PKD2L2: variants seen among roughly 807,000 people sequenced by gnomAD.
The protein encoded by PKD2L2 is polycystin-2-like protein 2.
A neutral mutation model predicts 83.9 loss-of-function variants in PKD2L2; 67 were observed. The observed-to-expected ratio is 0.80, with a 90% CI of 0.66 to 0.98. PKD2L2 has a LOEUF of 0.98. Among genes scored for constraint, PKD2L2 ranks in the 50% least tolerant of loss-of-function variants. The pLI, the probability that PKD2L2 is intolerant of heterozygous loss-of-function variation, is 0.00. For synonymous variants in PKD2L2, 223 were observed against 237.8 expected (o/e 0.94, Z 0.57); for missense variants, 632 against 717.2 (o/e 0.88, Z 1.36).
chr5:137,916,184 T>G (rs1322450301), intron 8 of PKD2L2, among the ~76,000 whole-genome samples: 1 of 149,390 alleles, frequency 6.7e-6, no homozygotes, highest in Non-Finnish European at 1.5e-5. Flanking sequence ...TCTCCCTCAC[T>G]TTTTTTTTTG....
intron 9 of PKD2L2, among the ~76,000 whole-genome samples, chr5:137,922,812 T>C (rs1051627497): frequency 1.3e-5 from 2 of 152,102 alleles, no homozygotes; most frequent in Non-Finnish European, 2.9e-5. Context: ...GTAATATTAA[T>C]TTGTGTATAT....
chr5:137,890,722 A>G (rs1357862524), intron 2 of PKD2L2, 140 bp downstream of exon 2: 5 of 496,548 alleles, frequency 1.0e-5, no homozygotes, highest in African/African-American at 2.0e-5. Flanking sequence ...TTTAAACATA[A>G]TCTTAAATTC....
chr5:137,939,077 T>G (rs1401700430), intron 14 of PKD2L2: 1 of 152,004 alleles, frequency 6.6e-6, no homozygotes, highest in East Asian at 1.9e-4. Context: ...AAAAAAGATA[T>G]GCTAAGAGTA....
At chr5:137,914,497 T>C (rs908957668) in intron 8 of PKD2L2, among the ~76,000 whole-genome samples, 3 of 152,234 alleles carry the variant, frequency 2.0e-5, no homozygotes, top group Non-Finnish European at 4.4e-5. Context: ...GTGTGTATCT[T>C]GCAACTTAAT....
chr5:137,908,374 G>A (rs1437965868), intron 7 of PKD2L2, among the ~76,000 whole-genome samples: 1 of 152,000 alleles, frequency 6.6e-6, no homozygotes, highest in Non-Finnish European at 1.5e-5. Flanking sequence ...GATCACCTGA[G>A]CTCAGGAGAT....
At chr5:137,895,472 TAA>T (rs756004179) in intron 4 of PKD2L2, among the ~76,000 whole-genome samples, 23 of 65,816 alleles carry the variant, frequency 3.5e-4, no homozygotes, top group Admixed American at 3.3e-4. Context: ...ACCTTGTCCC[TAA>T]AAAAAAAAAA....
At chr5:137,940,248 G>A in intron 14 of PKD2L2, 1 of 1,613,870 alleles carries the variant, frequency 6.2e-7, no homozygotes, top group Non-Finnish European at 8.5e-7. Context: ...GAAGAATCTT[G>A]TTTGCTTATA....
intron 8 of PKD2L2, 78 bp downstream of exon 8, chr5:137,909,024 A>G: frequency 2.8e-6 from 2 of 726,538 alleles, no homozygotes; most frequent in Non-Finnish European, 4.6e-6. Context: ...ACCTTCTATG[A>G]TAAGTAGTAA....
intron 5 of PKD2L2, among the ~76,000 whole-genome samples, chr5:137,904,238 C>A (rs1320681019): frequency 6.6e-6 from 1 of 152,128 alleles, no homozygotes; most frequent in Admixed American, 6.5e-5. Flanking sequence ...CAAGCACTAG[C>A]AAAGGATTTG....
intron 13 of PKD2L2, 46 bp downstream of exon 13, chr5:137,935,955 C>T (rs150051698): frequency 8.8e-6 from 9 of 1,027,554 alleles, no homozygotes; most frequent in East Asian, 7.1e-5. Context: ...TCATGACATG[C>T]GCATTAAGGA....
intron 10 of PKD2L2, among the ~76,000 whole-genome samples, chr5:137,924,709 C>G (rs1759228606): frequency 1.3e-5 from 2 of 152,296 alleles, no homozygotes; most frequent in South Asian, 4.1e-4. Context: ...TTTTCCCCAT[C>G]TTTTATCACT....
At chr5:137,941,166 C>T (rs1761667171) in intron 14 of PKD2L2, among the ~76,000 whole-genome samples, 2 of 152,114 alleles carry the variant, frequency 1.3e-5, no homozygotes, top group Admixed American at 1.3e-4. Context: ...CCTCAGCCTC[C>T]CAAAGTGCTG....
chr5:137,892,408 AT>A (rs1215497157), intron 2 of PKD2L2, 71 bp from the exon 3 acceptor site: 10 of 800,268 alleles, frequency 1.2e-5, no homozygotes, highest in Admixed American at 6.6e-5. Context: ...TGAGAAAAAA[AT>A]GTAACATTTT....
intron 5 of PKD2L2, among the ~76,000 whole-genome samples, chr5:137,904,483 C>G (rs1757212331): frequency 6.6e-6 from 1 of 152,130 alleles, no homozygotes; most frequent in African/African-American, 2.4e-5. Flanking sequence ...ATGGATGGAG[C>G]TGGAGGCCAT....
chr5:137,921,872 G>A (rs865949814), intron 9 of PKD2L2, 116 bp downstream of exon 9: 11 of 777,278 alleles, frequency 1.4e-5, no homozygotes, highest in Non-Finnish European at 2.0e-5. Flanking sequence ...CATTTATTGA[G>A]AATTGTGTGG....
intron 5 of PKD2L2, 44 bp downstream of exon 5, chr5:137,899,781 C>G: frequency 9.3e-7 from 1 of 1,072,364 alleles, no homozygotes; most frequent in Non-Finnish European, 1.4e-6. Context: ...GGTCAATGGC[C>G]TACAAAACTT....
intron 13 of PKD2L2, 65 bp downstream of exon 13, chr5:137,935,974 A>T: frequency 2.2e-6 from 2 of 906,704 alleles, no homozygotes; most frequent in Non-Finnish European, 3.5e-6. Context: ...GACATGAGTT[A>T]AACACATTAT....
intron 14 of PKD2L2, 117 bp from the exon 15 acceptor site, chr5:137,942,267 A>G (rs1428137303): frequency 1.8e-6 from 1 of 545,814 alleles, no homozygotes; most frequent in Non-Finnish European, 3.2e-6. Context: ...AGTGACATAC[A>G]CCATATCATC....
chr5:137,906,968 T>C (rs1282556390), intron 6 of PKD2L2, among the ~76,000 whole-genome samples: 1 of 152,200 alleles, frequency 6.6e-6, no homozygotes, highest in East Asian at 1.9e-4. Context: ...CCATCAGTTC[T>C]AGTCAATGAA....
Sources: gnomAD v4.1 joint callset for allele counts (sites outside exome capture counted in the v4.1 genomes callset) on GRCh38, gnomAD v4.1.1 for gene constraint, MANE v1.5 for transcripts, NCBI Gene and HGNC (gene_info 2026-07-23, HGNC 2026-07-21) for gene names.